Variants in CADPS2 observed in about 807,000 individuals in gnomAD.
The protein encoded by CADPS2 is calcium dependent secretion activator 2, also known as calcium-dependent secretion activator 2.
CADPS2 carries 93 observed loss-of-function variants against 172.5 expected under a neutral mutation model. The observed-to-expected ratio is 0.54, with a 90% CI of 0.46 to 0.64. CADPS2 has a LOEUF of 0.64. Ranked by LOEUF, CADPS2 falls within the 30% of genes least tolerant of loss-of-function variation. The pLI, the probability that CADPS2 is intolerant of heterozygous loss-of-function variation, is 0.00. For missense variants in CADPS2, 1,420 were observed against 1,565.9 expected (o/e 0.91, Z 1.57); for synonymous variants, 546 against 555.2 (o/e 0.98, Z 0.23).
intron 3 of CADPS2, among the ~76,000 whole-genome samples, chr7:122,661,171 T>G (rs1270392598): frequency 6.6e-6 from 1 of 152,128 alleles, no homozygotes; most frequent in Non-Finnish European, 1.5e-5. Context: ...ACTACAAATA[T>G]ATGTACCTAA....
chr7:122,366,685 G>GTATATATATATATACGTATA (rs2040943731), intron 25 of CADPS2: 1 of 126,768 alleles, frequency 7.9e-6, no homozygotes, highest in Non-Finnish European at 1.6e-5. Context: ...ATATATATAC[G>GTATATATATATATACGTATA]TATATATATA....
chr7:122,681,498 T>C, intron 2 of CADPS2: 1 of 1,473,716 alleles, frequency 6.8e-7, no homozygotes, highest in South Asian at 1.1e-5. Context: ...CTTCGATGCC[T>C]ATGTGCTTCC....
chr7:122,867,112 T>C (rs1266738166), intron 1 of CADPS2, among the ~76,000 whole-genome samples: 4 of 152,162 alleles, frequency 2.6e-5, no homozygotes, highest in Non-Finnish European at 4.4e-5. Context: ...GCTACCTGCT[T>C]CTACAAGAGG....
intron 11 of CADPS2, among the ~76,000 whole-genome samples, chr7:122,481,879 C>T (rs936940845): frequency 3.3e-5 from 5 of 151,868 alleles, no homozygotes; most frequent in African/African-American, 9.7e-5. Context: ...GGTGTGGTGG[C>T]ACACACCTGT....
At chr7:122,637,184 T>C in intron 3 of CADPS2, among the ~76,000 whole-genome samples, 1 of 20,326 alleles carries the variant, frequency 4.9e-5, no homozygotes, top group African/African-American at 1.9e-4. Flanking sequence ...TTTTTTTTTT[T>C]TTTTTTTTTT....
intron 17 of CADPS2, among the ~76,000 whole-genome samples, chr7:122,432,647 A>AG (rs1417537021): frequency 6.6e-6 from 1 of 150,624 alleles, no homozygotes. Context: ...TTAAAATAAA[A>AG]AAAAAAAAAA....
chr7:122,820,549 G>T lies in CADPS2; in HGVS notation c.339+65450C>A, dbSNP rs867087093. ...AAACAACTTGACCTTACTGTTTTTT[G>T]TTTTTTGTTTTTTTTTTTTTTTTTT... On this transcript the variant is annotated intron_variant, in intron 1 of 29. Transcript: ENST00000449022. Among the ~76,000 whole-genome samples, 710 of 99,452 alleles carry T rather than the reference G, an allele frequency of 7.1e-3. 28 individuals carry two copies. The highest frequency in any genetic ancestry group is 0.028 in the African/African-American group (641 of 22,562). 65.2% of individuals were successfully genotyped at this position (99,452 alleles called of 152,430 possible).
At chr7:122,673,517 G>T (rs1285201762) in intron 2 of CADPS2, among the ~76,000 whole-genome samples, 1 of 151,520 alleles carries the variant, frequency 6.6e-6, no homozygotes, top group Non-Finnish European at 1.5e-5. Context: ...AGACACAAAA[G>T]GTCTCCAAGC....
At chr7:122,407,419 C>T in intron 20 of CADPS2, 121 bp downstream of exon 20, 1 of 1,099,836 alleles carries the variant, frequency 9.1e-7, no homozygotes, top group South Asian at 1.6e-5. Context: ...CTGAGCAAAC[C>T]TAAATGTTAC....
At chr7:122,503,735 C>A (rs1383887289) in intron 9 of CADPS2, among the ~76,000 whole-genome samples, 2 of 152,124 alleles carry the variant, frequency 1.3e-5, no homozygotes, top group Non-Finnish European at 2.9e-5. Flanking sequence ...CATCCGTGCA[C>A]TTATTCATTC....
chr7:122,474,304 A>T, intron 13 of CADPS2, 77 bp downstream of exon 13: 1 of 1,449,234 alleles, frequency 6.9e-7, no homozygotes, highest in South Asian at 1.3e-5. Context: ...CACTTTCTAA[A>T]ATCTTTTATT....
At position 122,568,891 on chromosome 7, in the gene CADPS2, A is replaced by G. The variant is rs898171562; in HGVS notation, c.1335+12288T>C. ...TTGAAATATGATTAAGAGAATAACG[A>G]GAGCTATCTATGACAAACCCACAGC... On this transcript the variant is annotated intron_variant, in intron 7 of 29. Coordinates refer to ENST00000449022, the MANE Select transcript of CADPS2 (RefSeq NM_017954.11). Among the ~76,000 whole-genome samples the G allele has an allele frequency of 8.5e-5, 13 of 152,310 alleles. No individual in the cohort carries two copies. In the East Asian group the frequency reaches 2.5e-3, roughly 29 times the overall value.
chr7:122,583,327 G>T (rs972312931), intron 6 of CADPS2, among the ~76,000 whole-genome samples: 1 of 151,850 alleles, frequency 6.6e-6, no homozygotes, highest in Non-Finnish European at 1.5e-5. Context: ...GGTTAAGATG[G>T]GGAATGTACT....
At chr7:122,621,786 T>C (rs1181566007) in intron 4 of CADPS2, 69 bp from the exon 5 acceptor site, 3 of 848,004 alleles carry the variant, frequency 3.5e-6, no homozygotes, top group African/African-American at 3.4e-5. Context: ...CAAAATTGTA[T>C]GATATATATA....
Position 122,407,610 on chromosome 7 carries a change from C to T in CADPS2, c.2676G>A (p.Glu892=). Residue 892 remains glutamate, a synonymous_variant, in exon 20 of 30, where the codon GAG becomes GAA. Coordinates refer to ENST00000449022, the MANE Select transcript of CADPS2 (RefSeq NM_017954.11). ...TATCCCAGGAGTCTTGCGGTTGAGC[C>T]TCTAGTGCAGTGTCCATATCCACTG... ...LFTVDMDTAL[E]AQPQDSWDSF... 6.2e-7 allele frequency: 1 copy of T among 1,612,220 alleles called. No homozygotes were observed. The highest frequency in any genetic ancestry group is 2.2e-5 in the East Asian group (1 of 44,862).
At chr7:122,445,674 G>A (rs374260315) in intron 15 of CADPS2, among the ~76,000 whole-genome samples, 3 of 152,090 alleles carry the variant, frequency 2.0e-5, no homozygotes, top group East Asian at 3.9e-4. Flanking sequence ...TATTATCTGC[G>A]CATGGTGGCA....
intron 1 of CADPS2, among the ~76,000 whole-genome samples, chr7:122,836,232 G>T (rs916373366): frequency 6.6e-6 from 1 of 152,040 alleles, no homozygotes; most frequent in Non-Finnish European, 1.5e-5. Flanking sequence ...CAAATGATAA[G>T]AGATTTTGTC....
chr7:122,783,991 C>T (rs1490448358), intron 1 of CADPS2, among the ~76,000 whole-genome samples: 4 of 152,260 alleles, frequency 2.6e-5, no homozygotes, highest in South Asian at 2.1e-4. Flanking sequence ...TGATTGAACC[C>T]GAACATTTTC....
chr7:122,416,879 C>CT (rs2047985644), intron 17 of CADPS2, among the ~76,000 whole-genome samples: 1 of 152,172 alleles, frequency 6.6e-6, no homozygotes, highest in Admixed American at 6.5e-5. Context: ...TAGTTATTTT[C>CT]TAAGATTCAA....
Sources: gnomAD v4.1 joint callset for allele counts (sites outside exome capture counted in the v4.1 genomes callset) on GRCh38, gnomAD v4.1.1 for gene constraint, MANE v1.5 for transcripts, NCBI Gene and HGNC (gene_info 2026-07-23, HGNC 2026-07-21) for gene names.